TLK1: variants seen among roughly 807,000 people sequenced by gnomAD.
TLK1 encodes tousled like kinase 1.
Under a neutral mutation model 105.3 loss-of-function variants are expected in TLK1, and 24 were observed. The observed-to-expected ratio is 0.23, with a 90% confidence interval of 0.17 to 0.32. TLK1 has a LOEUF of 0.32. Among genes scored for constraint, TLK1 ranks in the 10% least tolerant of loss-of-function variants. The pLI, the probability that TLK1 is intolerant of heterozygous loss-of-function variation, is 1.00. For synonymous variants in TLK1, 321 were observed against 310.4 expected (o/e 1.03, Z -0.36); for missense variants, 558 against 910.5 (o/e 0.61, Z 4.98).
chr2:171,093,526 C>CA (rs1399573893), intron 2 of TLK1, among the ~76,000 whole-genome samples: 3 of 152,018 alleles, frequency 2.0e-5, no homozygotes, highest in Admixed American at 6.6e-5. Flanking sequence ...TAGGGAACCA[C>CA]AAATAGGCTG....
chr2:171,176,765 A>G (rs1692836709), intron 1 of TLK1, among the ~76,000 whole-genome samples: 1 of 150,976 alleles, frequency 6.6e-6, no homozygotes, highest in Non-Finnish European at 1.5e-5. Context: ...TCTGTTCTAG[A>G]TCTTCAGCCT....
At chr2:171,187,072 AAAAAAAAAAAAG>A (rs1693041463) in intron 1 of TLK1, among the ~76,000 whole-genome samples, 1 of 122,036 alleles carries the variant, frequency 8.2e-6, no homozygotes, top group Non-Finnish European at 1.6e-5. Flanking sequence ...AAAAAAAAAA[AAAAAAAAAAAAG>A]AAAAAGAAAA....
chr2:171,188,724 A>AG (rs1483492334), intron 1 of TLK1, among the ~76,000 whole-genome samples: 1 of 151,124 alleles, frequency 6.6e-6, no homozygotes, highest in Non-Finnish European at 1.5e-5. Flanking sequence ...AAAAAAAAAA[A>AG]AGAAAATTAG....
At chr2:171,101,877 T>C (rs1192901202) in intron 2 of TLK1, among the ~76,000 whole-genome samples, 3 of 152,206 alleles carry the variant, frequency 2.0e-5, no homozygotes, top group African/African-American at 7.2e-5. Context: ...TTTCAATCAT[T>C]ACAGAAAGAT....
chr2:171,091,529 T>C (rs570524807), intron 2 of TLK1: 1 of 152,152 alleles, frequency 6.6e-6, no homozygotes, highest in Non-Finnish European at 1.5e-5. Context: ...TCCTTGTATT[T>C]TTGGTAGGAC....
At chr2:171,007,517 T>C (rs776319569) in intron 14 of TLK1, among the ~76,000 whole-genome samples, 1 of 151,970 alleles carries the variant, frequency 6.6e-6, no homozygotes, top group Admixed American at 6.6e-5. Flanking sequence ...CTAACAGTTA[T>C]TTTTCCAACT....
upstream of TLK1, among the ~76,000 whole-genome samples, chr2:171,161,480 A>C (rs949285040): frequency 6.6e-6 from 1 of 152,212 alleles, no homozygotes; most frequent in African/African-American, 2.4e-5. Flanking sequence ...CTATGAAAAT[A>C]AACATGGGTA....
chr2:171,172,668 C>A (rs890920552), intron 1 of TLK1, among the ~76,000 whole-genome samples: 10 of 152,102 alleles, frequency 6.6e-5, no homozygotes, highest in African/African-American at 2.2e-4. Context: ...CACCTTCCCC[C>A]ATTTCTCTCT....
chr2:171,030,052 C>A (rs1302532465), intron 11 of TLK1, among the ~76,000 whole-genome samples: 1 of 152,034 alleles, frequency 6.6e-6, no homozygotes, highest in Non-Finnish European at 1.5e-5. Context: ...GGCCCATACC[C>A]CAACTTTAAA....
chr2:171,158,819 T>G (rs985283728), intron 1 of TLK1, among the ~76,000 whole-genome samples: 3 of 152,210 alleles, frequency 2.0e-5, no homozygotes, highest in African/African-American at 7.2e-5. Context: ...AAATTTCTAG[T>G]CATTTAATAA....
intron 1 of TLK1, among the ~76,000 whole-genome samples, chr2:171,189,131 A>G (rs998783964): frequency 6.6e-6 from 1 of 152,200 alleles, no homozygotes; most frequent in Non-Finnish European, 1.5e-5. Context: ...AATTTAAATA[A>G]CATTGAAAGA....
At chr2:171,091,593 A>T (rs2105490354) in intron 2 of TLK1, 1 of 152,342 alleles carries the variant, frequency 6.6e-6, no homozygotes, top group South Asian at 2.1e-4. Flanking sequence ...TCCTTCTCCC[A>T]TACATAATCT....
intron 1 of TLK1, among the ~76,000 whole-genome samples, chr2:171,145,813 T>C (rs1419144681): frequency 2.0e-5 from 3 of 152,112 alleles, no homozygotes; most frequent in African/African-American, 7.2e-5. Flanking sequence ...GGCAAAAATA[T>C]CTAGATACAA....
chr2:171,203,010 G>A (rs1693433013), intron 1 of TLK1, among the ~76,000 whole-genome samples: 1 of 151,252 alleles, frequency 6.6e-6, no homozygotes. Flanking sequence ...CAGTGGTGGG[G>A]GAACATACAC....
intron 1 of TLK1, among the ~76,000 whole-genome samples, chr2:171,177,614 A>G (rs906456471): frequency 6.6e-6 from 1 of 152,174 alleles, no homozygotes; most frequent in Admixed American, 6.5e-5. Flanking sequence ...ATACTTTACC[A>G]TTTTGTTTAG....
At chr2:171,175,656 A>C (rs1386271374) in intron 1 of TLK1, among the ~76,000 whole-genome samples, 1 of 152,160 alleles carries the variant, frequency 6.6e-6, no homozygotes, top group Admixed American at 6.5e-5. Flanking sequence ...ATTCCTAATT[A>C]ACAGTTACCT....
chr2:171,122,202 G>A (rs536584294), intron 1 of TLK1, among the ~76,000 whole-genome samples: 89 of 152,254 alleles, frequency 5.8e-4, no homozygotes, highest in South Asian at 2.5e-3. Context: ...TTGACCTCGT[G>A]AATTACACAC....
chr2:171,212,841 T>C (rs143947220), intron 1 of TLK1, among the ~76,000 whole-genome samples: 2 of 152,238 alleles, frequency 1.3e-5, no homozygotes, highest in East Asian at 3.9e-4. Flanking sequence ...ATTTTAGTTT[T>C]AGTGCTCTGT....
chr2:171,031,298 T>C (rs1686034140), intron 11 of TLK1, among the ~76,000 whole-genome samples: 1 of 152,182 alleles, frequency 6.6e-6, no homozygotes, highest in Non-Finnish European at 1.5e-5. Flanking sequence ...TTTAAAGAAA[T>C]CTATGTATTT....
Sources: gnomAD v4.1 joint callset for allele counts (sites outside exome capture counted in the v4.1 genomes callset) on GRCh38, gnomAD v4.1.1 for gene constraint, MANE v1.5 for transcripts, NCBI Gene and HGNC (gene_info 2026-07-23, HGNC 2026-07-21) for gene names.